The following SHISA6 variants were observed in gnomAD, a reference collection of about 807,000 sequenced individuals.
SHISA6 encodes the protein shisa family member 6.
Under a neutral mutation model 47.9 loss-of-function variants are expected in SHISA6, and 22 were observed. The observed-to-expected ratio is 0.46, with a 90% CI of 0.33 to 0.66. The LOEUF (loss-of-function observed/expected upper bound fraction) is 0.66, where lower values mean the gene tolerates loss of function less well. SHISA6 is among the 30% of genes least tolerant of loss of function. The pLI is 0.02. For missense variants in SHISA6, 680 were observed against 764.6 expected, an observed-to-expected ratio of 0.89 and a Z score of 1.30; for synonymous variants, 388 against 337.8, an observed-to-expected ratio of 1.15 and a Z score of -1.63.
chr17:11,412,158 G>C (rs1219633326), intron 3 of SHISA6, among the ~76,000 whole-genome samples: 3 of 152,076 alleles, frequency 2.0e-5, no homozygotes, highest in Non-Finnish European at 4.4e-5. Context: ...TACTGGCTTT[G>C]AGTCCTTGGA....
intron 2 of SHISA6, among the ~76,000 whole-genome samples, chr17:11,361,068 C>G (rs1378755726): frequency 7.1e-6 from 1 of 140,744 alleles, no homozygotes; most frequent in African/African-American, 2.7e-5. Flanking sequence ...TGTGTGTGTT[C>G]CATTTATCTA....
At chr17:11,489,998 CT>C (rs1170459814) in intron 3 of SHISA6, among the ~76,000 whole-genome samples, 1 of 152,134 alleles carries the variant, frequency 6.6e-6, no homozygotes, top group African/African-American at 2.4e-5. Context: ...TCCTAATGGC[CT>C]TTTTTTCTGT....
At chr17:11,428,783 T>C (rs866676451) in intron 3 of SHISA6, among the ~76,000 whole-genome samples, 3 of 144,648 alleles carry the variant, frequency 2.1e-5, no homozygotes, top group South Asian at 2.3e-4. Flanking sequence ...CACTTTCTTT[T>C]TTTTTTTTTT....
chr17:11,396,930 T>A (rs979289803), intron 3 of SHISA6, among the ~76,000 whole-genome samples: 3 of 152,084 alleles, frequency 2.0e-5, no homozygotes, highest in African/African-American at 4.8e-5. Flanking sequence ...AATTAGAAAT[T>A]CCCCTCCATT....
intron 2 of SHISA6, among the ~76,000 whole-genome samples, chr17:11,369,529 A>G (rs1912555726): frequency 6.6e-6 from 1 of 152,244 alleles, no homozygotes; most frequent in South Asian, 2.1e-4. Context: ...AGCAGGTCTC[A>G]GTTGCCCCAT....
intron 3 of SHISA6, among the ~76,000 whole-genome samples, chr17:11,488,944 G>T (rs1227214620): frequency 1.3e-5 from 2 of 152,174 alleles, no homozygotes; most frequent in African/African-American, 4.8e-5. Flanking sequence ...CTGGGGAAAT[G>T]CTGGGGAGTC....
chr17:11,465,201 G>A (rs1250649869), intron 3 of SHISA6, among the ~76,000 whole-genome samples: 2 of 152,062 alleles, frequency 1.3e-5, no homozygotes, highest in African/African-American at 4.8e-5. Flanking sequence ...CCCTCGGTGC[G>A]CTTTCTGTCC....
intron 2 of SHISA6, among the ~76,000 whole-genome samples, chr17:11,306,211 T>C (rs1910103175): frequency 6.6e-6 from 1 of 152,106 alleles, no homozygotes; most frequent in Non-Finnish European, 1.5e-5. Context: ...AATTCTCCTC[T>C]CATGAGGTCT....
intron 2 of SHISA6, among the ~76,000 whole-genome samples, chr17:11,362,374 A>G (rs1300873217): frequency 1.3e-5 from 2 of 152,180 alleles, no homozygotes; most frequent in Non-Finnish European, 2.9e-5. Flanking sequence ...TCCTGGCCTC[A>G]AGTGATCTAC....
Position 11,468,130 on chromosome 17 carries a change from A to T in SHISA6, c.896-83766A>T, listed in dbSNP as rs534667345. 9.2e-5 allele frequency among the ~76,000 whole-genome samples: 14 copies of T among 151,938 alleles called. No homozygotes were observed. The South Asian group carries it at 2.9e-3, about 32-fold the overall frequency. On this transcript the variant is annotated intron_variant, in intron 3 of 5. Transcript: ENST00000441885. Reference sequence around the variant, plus strand: ...TCCCTCTGTTCTCTGGCCTGTTTCCATTCATTGCCCAATTGCTGCCCTTTC... The same window carrying T: ...TCCCTCTGTTCTCTGGCCTGTTTCCTTTCATTGCCCAATTGCTGCCCTTTC...
intron 3 of SHISA6, among the ~76,000 whole-genome samples, chr17:11,511,225 A>G (rs2071538774): frequency 6.6e-6 from 1 of 152,146 alleles, no homozygotes; most frequent in South Asian, 2.1e-4. Flanking sequence ...CATAAGTGGG[A>G]GTTGAACGAT....
intron 2 of SHISA6, among the ~76,000 whole-genome samples, chr17:11,373,070 G>A (rs772258722): frequency 6.6e-6 from 1 of 151,370 alleles, no homozygotes; most frequent in Non-Finnish European, 1.5e-5. Flanking sequence ...AATCTAGTTT[G>A]CCAATCTTTT....
intron 1 of SHISA6, among the ~76,000 whole-genome samples, chr17:11,253,446 C>T (rs1403280899): frequency 6.6e-6 from 1 of 152,086 alleles, no homozygotes; most frequent in Non-Finnish European, 1.5e-5. Flanking sequence ...TCTTAGTAGA[C>T]AGTTGGCATG....
At chr17:11,274,906 A>T (rs576625341) in intron 2 of SHISA6, among the ~76,000 whole-genome samples, 1 of 152,148 alleles carries the variant, frequency 6.6e-6, no homozygotes, top group Non-Finnish European at 1.5e-5. Context: ...GTAAGATTGA[A>T]TGGGCGAGGA....
chr17:11,308,912 T>C (rs1910222991), intron 2 of SHISA6, among the ~76,000 whole-genome samples: 2 of 152,194 alleles, frequency 1.3e-5, no homozygotes, highest in Non-Finnish European at 2.9e-5. Flanking sequence ...TTTCACCAGA[T>C]ACTAAACTTC....
At chr17:11,445,101 A>C (rs557374945) in intron 3 of SHISA6, among the ~76,000 whole-genome samples, 1 of 152,252 alleles carries the variant, frequency 6.6e-6, no homozygotes, top group East Asian at 1.9e-4. Context: ...ATTTAGTGTA[A>C]ATGTTTAGGA....
At position 11,458,644 on chromosome 17, in the gene SHISA6, T is replaced by C. The variant is rs185707642; in HGVS notation, c.895+79135T>C. On this transcript the variant is annotated intron_variant, in intron 3 of 5. Coordinates refer to ENST00000441885, the MANE Select transcript of SHISA6 (RefSeq NM_207386.4). ...TCTCAGGCTGAGCCAGGCCCCCTTA[T>C]TCAGTGCACAAACCCACTTTTCTAT... Among the ~76,000 whole-genome samples the C allele has an allele frequency of 3.2e-3, 485 of 152,198 alleles. 2 individuals are homozygous for C. The highest frequency in any genetic ancestry group is 0.011 in the African/African-American group (460 of 41,546).
Position 11,516,058 on chromosome 17 carries a change from T to C in SHISA6, c.896-35838T>C, listed in dbSNP as rs575567028. Among the ~76,000 whole-genome samples, 34 of 152,288 alleles carry C rather than the reference T, an allele frequency of 2.2e-4. No homozygotes were observed. The South Asian group carries it at 5.0e-3, about 22-fold the overall frequency. On this transcript the variant is annotated intron_variant, in intron 3 of 5. Coordinates refer to ENST00000441885, the MANE Select transcript of SHISA6 (RefSeq NM_207386.4). ...AAGATATGTGGCAGATTTTTTAATG[T>C]TGTGACATCATCCTAGTCATTAGCA...
chr17:11,309,386 A>G (rs976571772), intron 2 of SHISA6, among the ~76,000 whole-genome samples: 1 of 152,250 alleles, frequency 6.6e-6, no homozygotes, highest in Non-Finnish European at 1.5e-5. Flanking sequence ...CAGTCGATGA[A>G]TATGATTGTT....
Sources: allele counts gnomAD v4.1 joint callset (sites outside exome capture counted in the v4.1 genomes callset), GRCh38; gene constraint gnomAD v4.1.1; transcripts MANE v1.5; gene names NCBI Gene and HGNC (gene_info 2026-07-23, HGNC 2026-07-21).